PTGER3: variants seen among roughly 807,000 people sequenced by gnomAD.
PTGER3 encodes prostaglandin E2 receptor EP3 subtype.
A neutral mutation model predicts 34.7 loss-of-function variants in PTGER3; 22 were observed. The ratio of observed to expected loss-of-function variants is 0.63; its 90% confidence interval spans 0.45 to 0.91. PTGER3 has a LOEUF of 0.91. Among genes scored for constraint, PTGER3 ranks in the 40% least tolerant of loss-of-function variants. The pLI, the probability that PTGER3 is intolerant of heterozygous loss-of-function variation, is 0.00. For synonymous variants in PTGER3, 241 were observed against 230.1 expected (o/e 1.05, Z -0.43); for missense variants, 468 against 519.4 (o/e 0.90, Z 0.96).
chr1:70,953,682 AT>A, intron 3 of PTGER3: 1 of 1,524,152 alleles, frequency 6.6e-7, no homozygotes, highest in Non-Finnish European at 8.8e-7. Flanking sequence ...TTAAGGAAAT[AT>A]GACAAACAGT....
intron 4 of PTGER3, among the ~76,000 whole-genome samples, chr1:70,901,870 A>C (rs564293012): frequency 3.3e-5 from 5 of 152,288 alleles, no homozygotes; most frequent in Middle Eastern, 3.4e-3. Context: ...GGATACGGGA[A>C]AGTAAAGAGA....
At chr1:70,873,717 G>A (rs1018619152) in intron 4 of PTGER3, among the ~76,000 whole-genome samples, 9 of 149,408 alleles carry the variant, frequency 6.0e-5, no homozygotes, top group Admixed American at 5.4e-4. Flanking sequence ...GCACTATCTC[G>A]GCTCACTGCA....
intron 2 of PTGER3, among the ~76,000 whole-genome samples, chr1:70,954,226 A>G (rs1445618073): frequency 6.6e-6 from 1 of 152,138 alleles, no homozygotes; most frequent in East Asian, 1.9e-4. Context: ...GGCAGTGGAT[A>G]TCTCTCACCT....
chr1:70,973,262 GATAGA>G (rs1653333506), intron 3 of PTGER3, among the ~76,000 whole-genome samples: 1 of 137,246 alleles, frequency 7.3e-6, no homozygotes, highest in African/African-American at 2.7e-5. Flanking sequence ...TAGATAGATA[GATAGA>G]TGATAGATAC....
At chr1:71,013,900 G>A (rs1340756864) in intron 1 of PTGER3, among the ~76,000 whole-genome samples, 8 of 152,034 alleles carry the variant, frequency 5.3e-5, no homozygotes, top group Admixed American at 5.2e-4. Context: ...AAAGAAATGA[G>A]CTGAGTTTGT....
chr1:70,968,118 C>A (rs1196171426), downstream of PTGER3, among the ~76,000 whole-genome samples: 2 of 152,106 alleles, frequency 1.3e-5, no homozygotes, highest in Non-Finnish European at 2.9e-5. Context: ...TGTTTATTTT[C>A]TTTTACATTG....
intron 1 of PTGER3, among the ~76,000 whole-genome samples, chr1:71,017,703 C>T (rs1658032662): frequency 6.6e-6 from 1 of 152,140 alleles, no homozygotes; most frequent in Non-Finnish European, 1.5e-5. Context: ...GTCTGCTTCC[C>T]CTTCACCTTC....
Position 70,896,338 on chromosome 1 carries a change from A to T in PTGER3, c.*24-43479T>A, listed in dbSNP as rs1391163838. Among the ~76,000 whole-genome samples the T allele has an allele frequency of 9.2e-5, 14 of 152,314 alleles. No homozygotes were observed. In the East Asian group the frequency reaches 2.7e-3, roughly 29 times the overall value. Reference sequence around the variant, plus strand: ...TCCTTATCAAAGGGGGGAAATTTGGACACAGAGACAGATGTATACAAAGAG... The same window carrying T: ...TCCTTATCAAAGGGGGGAAATTTGGTCACAGAGACAGATGTATACAAAGAG... On this transcript the variant is annotated intron_variant, in intron 4 of 4. Coordinates refer to the PTGER3 transcript ENST00000370931.
At chr1:70,930,962 C>T (rs754538072) in intron 4 of PTGER3, among the ~76,000 whole-genome samples, 2 of 152,070 alleles carry the variant, frequency 1.3e-5, no homozygotes, top group Non-Finnish European at 2.9e-5. Flanking sequence ...GTCCACAGTC[C>T]AAAGTCTCAT....
At chr1:70,888,154 C>T (rs1646537851) in intron 4 of PTGER3, among the ~76,000 whole-genome samples, 1 of 152,154 alleles carries the variant, frequency 6.6e-6, no homozygotes, top group African/African-American at 2.4e-5. Context: ...AAAAAGCCCT[C>T]TTAGCAGACG....
At chr1:70,855,072 A>C (rs1404698333) in intron 4 of PTGER3, among the ~76,000 whole-genome samples, 1 of 152,232 alleles carries the variant, frequency 6.6e-6, no homozygotes, top group Non-Finnish European at 1.5e-5. Context: ...AAAGCAACCC[A>C]AATGTCCACT....
At chr1:70,953,702 C>T in intron 3 of PTGER3, 2 of 1,536,516 alleles carry the variant, frequency 1.3e-6, no homozygotes, top group Non-Finnish European at 1.8e-6. Flanking sequence ...GTACAGTTGG[C>T]AGAAAGTGAA....
At chr1:70,932,612 C>T (rs1648816937) in intron 4 of PTGER3, among the ~76,000 whole-genome samples, 1 of 152,044 alleles carries the variant, frequency 6.6e-6, no homozygotes, top group Admixed American at 6.6e-5. Flanking sequence ...CCTGATAAAA[C>T]CATCAGATCT....
chr1:71,038,208 T>G (rs1351524172), intron 1 of PTGER3, among the ~76,000 whole-genome samples: 1 of 152,214 alleles, frequency 6.6e-6, no homozygotes, highest in African/African-American at 2.4e-5. Flanking sequence ...ACATTTATTA[T>G]GTGTTCAGAA....
At chr1:70,976,943 T>C (rs3819783) in intron 2 of PTGER3, among the ~76,000 whole-genome samples, 33,467 of 152,108 alleles carry the variant, frequency 0.22, 3,830 homozygotes, top group Middle Eastern at 0.29. Flanking sequence ...TGCTGTGTTC[T>C]TCCCAAATTG....
At chr1:70,969,787 C>T (rs962794196), downstream of PTGER3, among the ~76,000 whole-genome samples, 2 of 151,948 alleles carry the variant, frequency 1.3e-5, no homozygotes, top group African/African-American at 2.4e-5. Flanking sequence ...GTCAAGAAGC[C>T]GGTTTATAGT....
intron 4 of PTGER3, among the ~76,000 whole-genome samples, chr1:70,857,873 G>T (rs1645843440): frequency 6.6e-6 from 1 of 152,134 alleles, no homozygotes; most frequent in Non-Finnish European, 1.5e-5. Flanking sequence ...AATAATTCAT[G>T]ACTACAGTTG....
intron 2 of PTGER3, among the ~76,000 whole-genome samples, chr1:70,982,979 C>T (rs1654533504): frequency 6.6e-6 from 1 of 151,822 alleles, no homozygotes; most frequent in African/African-American, 2.4e-5. Context: ...TAAGGTAAAT[C>T]ACAAATTTCT....
intron 4 of PTGER3, among the ~76,000 whole-genome samples, chr1:70,866,583 G>T (rs538397006): frequency 6.6e-6 from 1 of 152,046 alleles, no homozygotes; most frequent in South Asian, 2.1e-4. Flanking sequence ...TGAGCTTTTC[G>T]ATTGAAAGAC....
Sources: gnomAD v4.1 joint callset for allele counts (sites outside exome capture counted in the v4.1 genomes callset) on GRCh38, gnomAD v4.1.1 for gene constraint, MANE v1.5 for transcripts, NCBI Gene and HGNC (gene_info 2026-07-23, HGNC 2026-07-21) for gene names.